IGF1R: variants seen among roughly 807,000 people sequenced by gnomAD.
IGF1R encodes the protein insulin-like growth factor 1 receptor.
A neutral mutation model predicts 144.6 loss-of-function variants in IGF1R; 44 were observed. That is an observed-to-expected ratio of 0.30 (90% confidence interval 0.24 to 0.39). The LOEUF (loss-of-function observed/expected upper bound fraction) is 0.39, where lower values mean the gene tolerates loss of function less well. IGF1R is among the 10% of genes least tolerant of loss of function. IGF1R has a pLI of 1.00. For synonymous variants in IGF1R, 795 were observed against 722.8 expected, an observed-to-expected ratio of 1.10 and a Z score of -1.60; for missense variants, 1,355 against 1,833.7, an observed-to-expected ratio of 0.74 and a Z score of 4.77.
intron 6 of IGF1R, among the ~76,000 whole-genome samples, chr15:98,910,698 T>C (rs2014971939): frequency 6.6e-6 from 1 of 152,260 alleles, no homozygotes; most frequent in African/African-American, 2.4e-5. Context: ...ACGTTAGGCT[T>C]GGCCAAGTGA....
At chr15:98,752,938 T>TTTC (rs1448329649) in intron 2 of IGF1R, among the ~76,000 whole-genome samples, 1 of 121,234 alleles carries the variant, frequency 8.2e-6, no homozygotes, top group East Asian at 2.3e-4. Flanking sequence ...TACTATTTTT[T>TTTC]TTTTTTTTTT....
At chr15:98,776,123 G>T (rs996027006) in intron 2 of IGF1R, among the ~76,000 whole-genome samples, 3 of 151,730 alleles carry the variant, frequency 2.0e-5, no homozygotes, top group African/African-American at 4.8e-5. Context: ...CCGAAGGGAG[G>T]GTGGAAGGGG....
intron 13 of IGF1R, among the ~76,000 whole-genome samples, chr15:98,926,688 G>A (rs1453543579): frequency 6.6e-6 from 1 of 152,182 alleles, no homozygotes; most frequent in Non-Finnish European, 1.5e-5. Flanking sequence ...GACAGCAAAA[G>A]CAGGATGGGG....
chr15:98,830,605 C>CTTTTTTTTTTTTTTT (rs60426791), intron 2 of IGF1R, among the ~76,000 whole-genome samples: 7 of 135,942 alleles, frequency 5.1e-5, no homozygotes, highest in African/African-American at 2.0e-4. Flanking sequence ...TGATCATCAT[C>CTTTTTTTTTTTTTTT]TTTTTTTTTT....
chr15:98,930,371 T>G, intron 15 of IGF1R, 66 bp downstream of exon 15: 2 of 1,141,256 alleles, frequency 1.8e-6, no homozygotes, highest in Non-Finnish European at 2.6e-6. Context: ...TTCAGGAGGG[T>G]TGCTAATTTG....
chr15:98,663,260 C>G (rs374465120), intron 1 of IGF1R, among the ~76,000 whole-genome samples: 2 of 151,900 alleles, frequency 1.3e-5, no homozygotes, highest in South Asian at 2.1e-4. Flanking sequence ...AGAGGCAGGA[C>G]CCGCAAAACA....
intron 2 of IGF1R, among the ~76,000 whole-genome samples, chr15:98,819,140 G>A (rs917049753): frequency 6.6e-6 from 1 of 151,922 alleles, no homozygotes; most frequent in Non-Finnish European, 1.5e-5. Flanking sequence ...AAGCTAAGAT[G>A]GAGTTGAACA....
chr15:98,720,563 T>TC (rs1192724476), intron 2 of IGF1R, among the ~76,000 whole-genome samples: 2 of 152,124 alleles, frequency 1.3e-5, no homozygotes, highest in African/African-American at 4.8e-5. Flanking sequence ...AGGAGGTGGC[T>TC]GCAATTGGAA....
At position 98,959,367 on chromosome 15, in the gene IGF1R, C is replaced by G. The variant is rs538339778; in HGVS notation, c.*1925C>G. 8.6e-6 allele frequency: 2 copies of G among 233,618 alleles called. No homozygotes were observed. Among genetic ancestry groups the G allele is most frequent in the African/African-American group, 2.2e-5 (1 of 45,354 alleles). The allele number at this position is 233,618 out of a possible 1,614,324, so 14.5% of individuals were successfully genotyped here. On this transcript the variant is annotated 3_prime_UTR_variant, in exon 21 of 21. Transcript: ENST00000650285. ...GTCCGGCAGGGCCTGTTGTGGCCCTCGCCACCCCCCTCACCGGACCGACTG... is the reference window on the plus strand; with the variant it reads ...GTCCGGCAGGGCCTGTTGTGGCCCTGGCCACCCCCCTCACCGGACCGACTG...
intron 2 of IGF1R, among the ~76,000 whole-genome samples, chr15:98,763,319 A>G (rs1299754436): frequency 3.9e-5 from 6 of 152,144 alleles, no homozygotes; most frequent in Non-Finnish European, 7.3e-5. Flanking sequence ...AGGTCCTTCC[A>G]CTTTCCTTTT....
Position 98,837,978 on chromosome 15 carries a change from G to A in IGF1R, c.641-53347G>A, listed in dbSNP as rs537410460. On this transcript the variant is annotated intron_variant, in intron 2 of 20. Transcript: ENST00000650285. ...ACCACAGTTGTGATTTGGATCTGTT[G>A]GCTTGCAAAGCCCATTTGAGAATTT... Among the ~76,000 whole-genome samples, 3 of 152,256 alleles carry A rather than the reference G, an allele frequency of 2.0e-5. No individual in the cohort carries two copies. In the South Asian group the frequency reaches 6.2e-4, roughly 32 times the overall value.
At chr15:98,649,805 GC>G in intron 1 of IGF1R, 130 bp downstream of exon 1, 1 of 664,754 alleles carries the variant, frequency 1.5e-6, no homozygotes, top group Non-Finnish European at 2.6e-6. Context: ...GCGGGGTGGG[GC>G]GCAGGGCGGC....
At chr15:98,773,167 T>G (rs2055631312) in intron 2 of IGF1R, among the ~76,000 whole-genome samples, 1 of 152,172 alleles carries the variant, frequency 6.6e-6, no homozygotes, top group Admixed American at 6.5e-5. Context: ...TTTGTTTTGT[T>G]TCTATACAAG....
At chr15:98,713,463 A>T (rs2054043697) in intron 2 of IGF1R, among the ~76,000 whole-genome samples, 1 of 152,160 alleles carries the variant, frequency 6.6e-6, no homozygotes, top group African/African-American at 2.4e-5. Context: ...TGCAACTCTT[A>T]GTTGGCAGAG....
intron 2 of IGF1R, among the ~76,000 whole-genome samples, chr15:98,791,277 AT>A (rs2056121816): frequency 6.6e-6 from 1 of 152,218 alleles, no homozygotes; most frequent in Admixed American, 6.5e-5. Flanking sequence ...CTGTAATGAT[AT>A]TCTGTATCTT....
In IGF1R at chr15:98,959,828, G is replaced by C. The variant is rs2017152482; in HGVS notation, c.*2386G>C. 1 of 229,808 alleles carries C rather than the reference G, an allele frequency of 4.4e-6. No individual in the cohort carries two copies. The highest frequency in any genetic ancestry group is 8.5e-6 in the Non-Finnish European group (1 of 117,558). 14.2% of individuals were successfully genotyped at this position (229,808 alleles called of 1,614,324 possible). On this transcript the variant is annotated 3_prime_UTR_variant, in exon 21 of 21. Transcript: ENST00000650285. ...GCAGTTTGTCCCACTGCTTTCTCTAGTCTCTATCCCATAGCGTGTTCCCTT... is the reference window on the plus strand; with the variant it reads ...GCAGTTTGTCCCACTGCTTTCTCTACTCTCTATCCCATAGCGTGTTCCCTT...
intron 1 of IGF1R, among the ~76,000 whole-genome samples, chr15:98,670,202 A>C (rs1356791033): frequency 6.6e-6 from 1 of 152,126 alleles, no homozygotes; most frequent in Non-Finnish European, 1.5e-5. Flanking sequence ...AGATGCTTTT[A>C]TGAGTGAGGA....
chr15:98,768,147 G>A (rs2055481804), intron 2 of IGF1R, among the ~76,000 whole-genome samples: 2 of 152,100 alleles, frequency 1.3e-5, no homozygotes, highest in African/African-American at 4.8e-5. Flanking sequence ...CCACAGTTCT[G>A]TTCTCATGTA....
chr15:98,779,207 A>G (rs1016507736), intron 2 of IGF1R, among the ~76,000 whole-genome samples: 1 of 152,218 alleles, frequency 6.6e-6, no homozygotes, highest in African/African-American at 2.4e-5. Flanking sequence ...GGAAATTCCC[A>G]AGAGAATAAG....
Sources: gnomAD v4.1 joint callset for allele counts (sites outside exome capture counted in the v4.1 genomes callset) on GRCh38, gnomAD v4.1.1 for gene constraint, MANE v1.5 for transcripts, NCBI Gene and HGNC (gene_info 2026-07-23, HGNC 2026-07-21) for gene names.